ANKRD12: variants seen among roughly 807,000 people sequenced by gnomAD.
The protein encoded by ANKRD12 is ankyrin repeat domain-containing protein 12.
A neutral mutation model predicts 183.4 loss-of-function variants in ANKRD12; 85 were observed. That is an observed-to-expected ratio of 0.46 (90% CI 0.39 to 0.56). ANKRD12 has a LOEUF of 0.56. Among genes scored for constraint, ANKRD12 ranks in the 20% least tolerant of loss-of-function variants. ANKRD12 has a pLI of 0.00. For synonymous variants in ANKRD12, 914 were observed against 800.2 expected (o/e 1.14, Z -2.40); for missense variants, 2,405 against 2,357.1 (o/e 1.02, Z -0.42).
chr18:9,152,189 A>G (rs907208533), intron 1 of ANKRD12, among the ~76,000 whole-genome samples: 1 of 152,238 alleles, frequency 6.6e-6, no homozygotes, highest in Non-Finnish European at 1.5e-5. Context: ...TGGAAAAGCT[A>G]GATAAAAATA....
chr18:9,225,943 C>T (rs1435164731), intron 8 of ANKRD12, among the ~76,000 whole-genome samples: 2 of 151,174 alleles, frequency 1.3e-5, no homozygotes, highest in Non-Finnish European at 2.9e-5. Context: ...TCCATCAATC[C>T]ATATTATTTT....
chr18:9,253,404 T>C (rs2038414094), intron 8 of ANKRD12, among the ~76,000 whole-genome samples: 1 of 152,216 alleles, frequency 6.6e-6, no homozygotes, highest in African/African-American at 2.4e-5. Flanking sequence ...TTTAATTTTT[T>C]GCTCCCACAT....
At position 9,257,085 on chromosome 18, in the gene ANKRD12, T is replaced by G. The variant is rs1047596114; in HGVS notation, c.3818T>G (p.Ile1273Ser). 7 of 1,614,008 alleles carry G rather than the reference T, an allele frequency of 4.3e-6. No homozygotes were observed. In the African/African-American group the frequency reaches 9.3e-5, roughly 22 times the overall value. Residue 1273 changes from isoleucine (I) to serine (S), a missense_variant, in exon 9 of 13, where the codon ATT becomes AGT. Ile to Ser is a moderately radical substitution (Grantham distance 142). Around this residue, in one of 7 missense-constraint regions of ANKRD12, gnomAD observed 1,983 missense variants for 1,725.9 expected, o/e 1.15. Coordinates refer to ENST00000262126, the MANE Select transcript of ANKRD12 (RefSeq NM_015208.5). ...LDSLADLPER[I>S]KPPYANRLST... ...AGCCTGGCTGACTTGCCGGAGCGGA[T>G]TAAACCACCATATGCAAACAGACTT...
chr18:9,262,110 T>G lies in ANKRD12; in HGVS notation c.5665-1680T>G, dbSNP rs147085591. 5.3e-5 allele frequency among the ~76,000 whole-genome samples: 8 copies of G among 152,316 alleles called. No individual in the cohort carries two copies. In the South Asian group the frequency reaches 1.0e-3, roughly 20 times the overall value. ...TTCAACTGATTGAGTCTTTGTGGTG[T>G]TATTTAACATGTTTTCAGTCTCTCA... On this transcript the variant is annotated intron_variant, in intron 9 of 12. Transcript: ENST00000262126.
Position 9,216,223 on chromosome 18 carries a change from T to C in ANKRD12, c.653-535T>C, listed in dbSNP as rs142862248. Among the ~76,000 whole-genome samples, 1,049 of 152,222 alleles carry C rather than the reference T, an allele frequency of 6.9e-3. 22 individuals carry two copies. Among genetic ancestry groups the C allele is most frequent in the African/African-American group, 0.024 (991 of 41,536 alleles). On this transcript the variant is annotated intron_variant, in intron 6 of 12. Transcript: ENST00000262126. ...CACCTTTACTTTTACCTCTTCTCCCTCTGCCACCTCTGAGACAGCAAGACC... is the reference window on the plus strand; with the variant it reads ...CACCTTTACTTTTACCTCTTCTCCCCCTGCCACCTCTGAGACAGCAAGACC...
intron 1 of ANKRD12, among the ~76,000 whole-genome samples, chr18:9,176,232 G>T (rs116984639): frequency 0.025 from 3,833 of 152,150 alleles, 71 homozygotes; most frequent in Middle Eastern, 0.075. Context: ...TTTAGTTTTG[G>T]TTATAATTTT....
At position 9,284,503 on chromosome 18, in the gene ANKRD12, G is replaced by A. The variant is rs1035009680; in HGVS notation, c.*3377G>A. 6 of 152,122 alleles carry A rather than the reference G, an allele frequency of 3.9e-5. No homozygotes were observed. The highest frequency in any genetic ancestry group is 8.8e-5 in the Non-Finnish European group (6 of 68,012). 9.4% of individuals were successfully genotyped at this position (152,122 alleles called of 1,614,324 possible). Reference sequence around the variant, plus strand: ...AGTCCTCTTTTTAAACAGTTTAAAGGAAGCATTTTCACCGTTTGTAAAAAT... The same window carrying A: ...AGTCCTCTTTTTAAACAGTTTAAAGAAAGCATTTTCACCGTTTGTAAAAAT... On this transcript the variant is annotated 3_prime_UTR_variant, in exon 13 of 13. Transcript: ENST00000262126.
At chr18:9,280,405 CG>C (rs1243527979) in intron 12 of ANKRD12, among the ~76,000 whole-genome samples, 3 of 152,106 alleles carry the variant, frequency 2.0e-5, no homozygotes, top group African/African-American at 7.2e-5. Context: ...GTCCGTGACC[CG>C]GGGGTTGGGG....
chr18:9,247,952 A>C (rs1183484288), intron 8 of ANKRD12, among the ~76,000 whole-genome samples: 5 of 151,830 alleles, frequency 3.3e-5, no homozygotes, highest in Non-Finnish European at 5.9e-5. Flanking sequence ...TCGCCTGCCT[A>C]ATTTTTGTGT....
At chr18:9,225,924 A>C (rs374992594) in intron 8 of ANKRD12, among the ~76,000 whole-genome samples, 11 of 152,216 alleles carry the variant, frequency 7.2e-5, no homozygotes, top group Admixed American at 3.9e-4. Flanking sequence ...TTACACTATC[A>C]CATATCTATC....
chr18:9,175,551 T>TTTG (rs2033193252), intron 1 of ANKRD12, among the ~76,000 whole-genome samples: 2 of 138,048 alleles, frequency 1.4e-5, no homozygotes, highest in African/African-American at 5.4e-5. Flanking sequence ...TTTTTTTTTT[T>TTTG]GAGACAGTCT....
chr18:9,215,181 A>G (rs985419626), intron 6 of ANKRD12, among the ~76,000 whole-genome samples: 5 of 152,138 alleles, frequency 3.3e-5, no homozygotes, highest in African/African-American at 7.2e-5. Context: ...ATTCTGGGAA[A>G]AAGAAAAATC....
chr18:9,238,688 C>T lies in ANKRD12; in HGVS notation c.944-15523C>T, dbSNP rs566999568. On this transcript the variant is annotated intron_variant, in intron 8 of 12. Transcript: ENST00000262126. ...TGGAGAAAACATAAAACATAATTGA[C>T]TCCTGTCAATTTCAGCTTTCAAAAT... 3.8e-4 allele frequency among the ~76,000 whole-genome samples: 58 copies of T among 152,344 alleles called. 2 individuals are homozygous for T. In the South Asian group the frequency reaches 0.012, roughly 32 times the overall value.
At chr18:9,197,297 G>T (rs763536882) in intron 3 of ANKRD12, among the ~76,000 whole-genome samples, 10 of 152,100 alleles carry the variant, frequency 6.6e-5, no homozygotes, top group Non-Finnish European at 1.2e-4. Context: ...TTTTTCTACC[G>T]TTGGACTTTA....
chr18:9,180,351 T>C (rs1418868569), intron 1 of ANKRD12, among the ~76,000 whole-genome samples: 2 of 152,182 alleles, frequency 1.3e-5, no homozygotes, highest in African/African-American at 4.8e-5. Flanking sequence ...CTACCTATTA[T>C]TATATTTGAA....
chr18:9,245,056 A>G (rs553938900), intron 8 of ANKRD12, among the ~76,000 whole-genome samples: 2 of 152,200 alleles, frequency 1.3e-5, no homozygotes, highest in South Asian at 4.2e-4. Context: ...ATAGCTTAGG[A>G]CTTTTTTATG....
Position 9,258,265 on chromosome 18 carries a change from A to G in ANKRD12, c.4998A>G (p.Glu1666=), listed in dbSNP as rs2038759543. The part of the protein sequence containing the change: ...NAGMPKGNLN[E]QDPKHCPESE... The stretch of plus-strand genomic sequence containing the variant: ...GGATGCCAAAAGGAAACCTAAATGA[A>G]CAAGATCCAAAACATTGTCCTGAAA... Residue 1666 remains glutamate, a synonymous_variant, in exon 9 of 13, where the codon GAA becomes GAG. Coordinates refer to ENST00000262126, the MANE Select transcript of ANKRD12 (RefSeq NM_015208.5). 1 of 1,613,644 alleles carries G rather than the reference A, an allele frequency of 6.2e-7. No homozygotes were observed. The highest frequency in any genetic ancestry group is 1.3e-5 in the African/African-American group (1 of 74,918).
At chr18:9,276,766 T>A (rs1331651572) in intron 11 of ANKRD12, among the ~76,000 whole-genome samples, 1 of 152,080 alleles carries the variant, frequency 6.6e-6, no homozygotes, top group Admixed American at 6.6e-5. Flanking sequence ...CAAATGAAAG[T>A]GTTCAGAGAT....
intron 3 of ANKRD12, among the ~76,000 whole-genome samples, chr18:9,197,445 C>T (rs1423231770): frequency 3.3e-5 from 5 of 152,184 alleles, no homozygotes; most frequent in East Asian, 1.9e-4. Context: ...GGACTAGGGG[C>T]GCCAACCCCC....
Sources: gnomAD v4.1 joint callset for allele counts (sites outside exome capture counted in the v4.1 genomes callset) on GRCh38, gnomAD v4.1.1 for gene constraint, gnomAD v4.1.1 regional missense constraint, MANE v1.5 for transcripts, NCBI Gene and HGNC (gene_info 2026-07-23, HGNC 2026-07-21) for gene names.